CHSY3: variants seen among roughly 807,000 people sequenced by gnomAD.
CHSY3 encodes N-acetylgalactosaminyl-proteoglycan 3-beta-glucuronosyltransferase 3.
CHSY3 carries 35 observed loss-of-function variants against 67.2 expected under a neutral mutation model. The observed-to-expected ratio is 0.52, with a 90% CI of 0.40 to 0.69. The LOEUF is 0.69. CHSY3 is among the 30% of genes least tolerant of loss of function. The pLI is 0.00. For missense variants in CHSY3, 1,069 were observed against 1,138.5 expected (o/e 0.94, Z 0.88); for synonymous variants, 474 against 434.7 (o/e 1.09, Z -1.12).
At chr5:130,110,572 A>G (rs1162879095) in intron 2 of CHSY3, among the ~76,000 whole-genome samples, 2 of 152,014 alleles carry the variant, frequency 1.3e-5, no homozygotes, top group Admixed American at 6.6e-5. Flanking sequence ...CCCAGACCTC[A>G]TAAGATCTGT....
intron 2 of CHSY3, among the ~76,000 whole-genome samples, chr5:129,969,172 C>T (rs1294716110): frequency 1.3e-5 from 2 of 151,606 alleles, no homozygotes; most frequent in African/African-American, 4.8e-5. Flanking sequence ...TCCTATTTTC[C>T]TATAAAATGA....
chr5:130,086,298 A>G (rs1464613791), intron 2 of CHSY3, among the ~76,000 whole-genome samples: 1 of 151,938 alleles, frequency 6.6e-6, no homozygotes, highest in African/African-American at 2.4e-5. Flanking sequence ...GTGCTCCTGT[A>G]TTGGGTGCAT....
intron 2 of CHSY3, among the ~76,000 whole-genome samples, chr5:130,119,859 A>G (rs1767948309): frequency 6.6e-6 from 1 of 152,206 alleles, no homozygotes; most frequent in Admixed American, 6.5e-5. Context: ...AAATTAAAAT[A>G]GAAAGCATGT....
Position 130,185,818 on chromosome 5 carries a change from T to A in CHSY3, c.*27T>A, listed in dbSNP as rs1360058986. On this transcript the variant is annotated 3_prime_UTR_variant, in exon 3 of 3. Coordinates refer to ENST00000305031, the MANE Select transcript of CHSY3 (RefSeq NM_175856.5). Reference sequence around the variant, plus strand: ...AGTCCAGGCAACACATTTTGCCTTTTTTAAGGGGAGTTTACCTCATTGTTG... The same window carrying A: ...AGTCCAGGCAACACATTTTGCCTTTATTAAGGGGAGTTTACCTCATTGTTG... 2 of 1,455,182 alleles carry A rather than the reference T, an allele frequency of 1.4e-6. No homozygotes were observed. The highest frequency in any genetic ancestry group is 2.9e-5 in the South Asian group (2 of 68,852). 90.1% of individuals were successfully genotyped at this position (1,455,182 alleles called of 1,614,324 possible).
intron 2 of CHSY3, among the ~76,000 whole-genome samples, chr5:130,163,584 A>T (rs1031192135): frequency 1.3e-5 from 2 of 152,056 alleles, no homozygotes; most frequent in Non-Finnish European, 2.9e-5. Context: ...GAGAAAACCT[A>T]TTTTTTCTTC....
At chr5:130,018,164 A>G (rs1188477480) in intron 2 of CHSY3, among the ~76,000 whole-genome samples, 1 of 152,176 alleles carries the variant, frequency 6.6e-6, no homozygotes, top group Non-Finnish European at 1.5e-5. Context: ...TCTTATTTGT[A>G]AAAAATAAAT....
intron 2 of CHSY3, among the ~76,000 whole-genome samples, chr5:129,963,091 C>G (rs1244161704): frequency 6.6e-6 from 1 of 151,600 alleles, no homozygotes; most frequent in East Asian, 1.9e-4. Context: ...TGTAATCGGT[C>G]TAGCAAAACT....
intron 2 of CHSY3, among the ~76,000 whole-genome samples, chr5:130,128,537 T>C (rs1460540178): frequency 1.3e-5 from 2 of 152,078 alleles, no homozygotes; most frequent in African/African-American, 4.8e-5. Flanking sequence ...GGGGAGATGC[T>C]GGTCAAACAA....
chr5:130,034,218 A>G (rs1034180939), intron 2 of CHSY3, among the ~76,000 whole-genome samples: 2 of 152,024 alleles, frequency 1.3e-5, no homozygotes, highest in African/African-American at 4.8e-5. Context: ...TTTTTCAAAT[A>G]ACATACTTGA....
At chr5:130,098,906 A>AT (rs1407419793) in intron 2 of CHSY3, among the ~76,000 whole-genome samples, 1 of 152,160 alleles carries the variant, frequency 6.6e-6, no homozygotes, top group South Asian at 2.1e-4. Flanking sequence ...GTGTTTTCTA[A>AT]TTTTTTTAAC....
intron 2 of CHSY3, among the ~76,000 whole-genome samples, chr5:129,921,931 A>G (rs1260823473): frequency 1.3e-5 from 2 of 152,124 alleles, no homozygotes; most frequent in African/African-American, 2.4e-5. Context: ...ACCAAATACT[A>G]GATCTTACTC....
intron 2 of CHSY3, among the ~76,000 whole-genome samples, chr5:130,084,039 C>T (rs1158674539): frequency 1.3e-5 from 2 of 151,888 alleles, no homozygotes; most frequent in African/African-American, 2.4e-5. Context: ...GATAACTAAT[C>T]GTGTTAAACC....
chr5:130,035,086 T>A (rs1469588082), intron 2 of CHSY3, among the ~76,000 whole-genome samples: 1 of 152,102 alleles, frequency 6.6e-6, no homozygotes, highest in Non-Finnish European at 1.5e-5. Flanking sequence ...CATAGAAGTA[T>A]TTTGATCAGA....
chr5:130,121,325 A>G (rs1768016099), intron 2 of CHSY3, among the ~76,000 whole-genome samples: 1 of 152,212 alleles, frequency 6.6e-6, no homozygotes, highest in Non-Finnish European at 1.5e-5. Context: ...AAGAAGGATA[A>G]AGCTGTATTT....
intron 2 of CHSY3, among the ~76,000 whole-genome samples, chr5:130,117,198 G>A (rs758345905): frequency 1.3e-4 from 20 of 152,190 alleles, no homozygotes; most frequent in African/African-American, 3.1e-4. Flanking sequence ...GGAGCACAAG[G>A]AATTGGTGGG....
intron 2 of CHSY3, among the ~76,000 whole-genome samples, chr5:129,966,977 T>C (rs556218863): frequency 1.3e-5 from 2 of 151,972 alleles, no homozygotes; most frequent in Admixed American, 1.3e-4. Flanking sequence ...TACCTGTGTC[T>C]AAAGCAATTT....
chr5:130,019,007 A>G (rs1437850428), intron 2 of CHSY3, among the ~76,000 whole-genome samples: 1 of 152,156 alleles, frequency 6.6e-6, no homozygotes, highest in Non-Finnish European at 1.5e-5. Context: ...GACCCTCACC[A>G]GAAACCAAGC....
intron 2 of CHSY3, among the ~76,000 whole-genome samples, chr5:130,013,785 T>A (rs1764133848): frequency 6.6e-6 from 1 of 152,180 alleles, no homozygotes; most frequent in African/African-American, 2.4e-5. Context: ...GGAGATGTTT[T>A]CCCCATTGTC....
At chr5:130,069,686 C>T (rs1203252387) in intron 2 of CHSY3, among the ~76,000 whole-genome samples, 2 of 151,900 alleles carry the variant, frequency 1.3e-5, no homozygotes, top group African/African-American at 2.4e-5. Context: ...TCTTCACTAT[C>T]GCTATTTTTA....
Sources: gnomAD v4.1 joint callset for allele counts (sites outside exome capture counted in the v4.1 genomes callset) on GRCh38, gnomAD v4.1.1 for gene constraint, MANE v1.5 for transcripts, NCBI Gene and HGNC (gene_info 2026-07-23, HGNC 2026-07-21) for gene names.